The following PRELID2 variants were observed in gnomAD, a reference collection of about 807,000 sequenced individuals.
The protein encoded by PRELID2 is PRELI domain-containing protein 2.
Under a neutral mutation model 28.4 loss-of-function variants are expected in PRELID2, and 25 were observed. That is an observed-to-expected ratio of 0.88 (90% confidence interval 0.64 to 1.23). The LOEUF (loss-of-function observed/expected upper bound fraction) is 1.23, where lower values mean the gene tolerates loss of function less well. PRELID2 is among the 50% of genes most tolerant of loss of function. The probability of loss-of-function intolerance (pLI) is 0.00; values close to 1 mark genes in which losing one functional copy is unlikely to be tolerated. For missense variants in PRELID2, 201 were observed against 214.4 expected (o/e 0.94, Z 0.39); for synonymous variants, 76 against 71.6 (o/e 1.06, Z -0.31).
chr5:145,451,617 C>T, the PRELID2 span, among the ~76,000 whole-genome samples: 43 of 152,210 alleles, frequency 2.8e-4, no homozygotes, highest in African/African-American at 9.1e-4. Flanking sequence ...TTTGATTAAT[C>T]CCCCTTCTTT....
chr5:145,799,551 A>G (rs1752991334), intron 4 of PRELID2, among the ~76,000 whole-genome samples: 1 of 152,130 alleles, frequency 6.6e-6, no homozygotes, highest in South Asian at 2.1e-4. Flanking sequence ...GAAGCATTCC[A>G]TCAGAGGAAA....
At chr5:145,246,174 C>T in the PRELID2 span, among the ~76,000 whole-genome samples, 10 of 152,158 alleles carry the variant, frequency 6.6e-5, no homozygotes, top group Admixed American at 1.3e-4. Context: ...ATTAATGTCA[C>T]GTGTCTTTCT....
chr5:145,820,533 C>T (rs942544577), intron 2 of PRELID2, among the ~76,000 whole-genome samples: 3 of 152,176 alleles, frequency 2.0e-5, no homozygotes, highest in South Asian at 2.1e-4. Context: ...ATGCTGCTAC[C>T]TTTTGTACCA....
the PRELID2 span, among the ~76,000 whole-genome samples, chr5:145,416,905 T>A: frequency 6.6e-6 from 1 of 151,970 alleles, no homozygotes; most frequent in East Asian, 1.9e-4. Context: ...AGAAAGTCCC[T>A]TCTGCCTATG....
chr5:145,425,668 C>G, the PRELID2 span, among the ~76,000 whole-genome samples: 1 of 152,030 alleles, frequency 6.6e-6, no homozygotes, highest in African/African-American at 2.4e-5. Flanking sequence ...GAAAACCAAC[C>G]ACCTCATATT....
intron 4 of PRELID2, among the ~76,000 whole-genome samples, chr5:145,807,224 T>A (rs780745681): frequency 6.6e-6 from 1 of 152,172 alleles, no homozygotes; most frequent in Non-Finnish European, 1.5e-5. Context: ...CGGTCTGCCA[T>A]AGACTGAAAT....
chr5:145,243,385 A>T, the PRELID2 span, among the ~76,000 whole-genome samples: 32 of 152,244 alleles, frequency 2.1e-4, no homozygotes, highest in East Asian at 4.8e-3. Flanking sequence ...GGTTAACAGA[A>T]TGAAAAGGGA....
chr5:145,505,137 T>C (rs1278879474), intron 1 of PRELID2, among the ~76,000 whole-genome samples: 1 of 145,296 alleles, frequency 6.9e-6, no homozygotes, highest in Non-Finnish European at 1.5e-5. Flanking sequence ...ATACATACTG[T>C]ATACACTTAT....
chr5:145,679,591 G>A (rs781127878), intron 1 of PRELID2, among the ~76,000 whole-genome samples: 2 of 151,988 alleles, frequency 1.3e-5, no homozygotes, highest in South Asian at 4.1e-4. Flanking sequence ...TTAGCACTAT[G>A]TCTGGCACAT....
the PRELID2 span, among the ~76,000 whole-genome samples, chr5:145,279,941 A>G: frequency 6.6e-6 from 1 of 152,116 alleles, no homozygotes; most frequent in African/African-American, 2.4e-5. Flanking sequence ...CCATCAGAAC[A>G]GAATAATAGT....
intron 1 of PRELID2, among the ~76,000 whole-genome samples, chr5:145,530,800 G>A (rs1467042948): frequency 6.6e-6 from 1 of 152,054 alleles, no homozygotes; most frequent in Admixed American, 6.6e-5. Flanking sequence ...GGGGGCAGGA[G>A]AGCAGCTGTA....
chr5:145,421,465 A>G, the PRELID2 span, among the ~76,000 whole-genome samples: 3 of 149,856 alleles, frequency 2.0e-5, no homozygotes, highest in East Asian at 5.8e-4. Context: ...GTCTTGGGAG[A>G]GTGTATGTGT....
chr5:145,401,786 C>A, the PRELID2 span, among the ~76,000 whole-genome samples: 3 of 152,174 alleles, frequency 2.0e-5, no homozygotes, highest in African/African-American at 4.8e-5. Flanking sequence ...GTCTCTCGAA[C>A]ATTTAGTCTA....
At chr5:145,650,727 T>C (rs749174062) in intron 1 of PRELID2, among the ~76,000 whole-genome samples, 12 of 151,640 alleles carry the variant, frequency 7.9e-5, no homozygotes, top group Non-Finnish European at 1.6e-4. Flanking sequence ...ATCTATCATG[T>C]CTTAGTTTTA....
At chr5:145,373,172 A>G in the PRELID2 span, among the ~76,000 whole-genome samples, 2 of 45,462 alleles carry the variant, frequency 4.4e-5, 1 homozygote, top group East Asian at 3.6e-3. Flanking sequence ...ATATTACAAC[A>G]TATATAATAT....
the PRELID2 span, among the ~76,000 whole-genome samples, chr5:145,342,488 A>G: frequency 5.3e-5 from 8 of 152,308 alleles, no homozygotes; most frequent in East Asian, 1.3e-3. Context: ...TCATATGTCA[A>G]TAATAATCTT....
the PRELID2 span, among the ~76,000 whole-genome samples, chr5:145,238,800 T>A: frequency 6.6e-6 from 1 of 152,046 alleles, no homozygotes; most frequent in Non-Finnish European, 1.5e-5. Context: ...CTTAGGACAC[T>A]TCATATGCAA....
intron 1 of PRELID2, among the ~76,000 whole-genome samples, chr5:145,606,229 A>G (rs910890210): frequency 6.6e-6 from 1 of 152,180 alleles, no homozygotes; most frequent in South Asian, 2.1e-4. Flanking sequence ...ATAGTTTGAC[A>G]TCCTCTCTTC....
the PRELID2 span, among the ~76,000 whole-genome samples, chr5:145,253,828 C>A: frequency 4.7e-5 from 7 of 149,622 alleles, no homozygotes; most frequent in Non-Finnish European, 8.9e-5. Flanking sequence ...AGAGTGAGAT[C>A]TAAAAAAAAC....
Sources: gnomAD v4.1 joint callset for allele counts (sites outside exome capture counted in the v4.1 genomes callset) on GRCh38, gnomAD v4.1.1 for gene constraint, MANE v1.5 for transcripts, NCBI Gene and HGNC (gene_info 2026-07-23, HGNC 2026-07-21) for gene names.